RAPGEF2: variants seen among roughly 807,000 people sequenced by gnomAD.
RAPGEF2 encodes the protein PDZ domain containing guanine nucleotide exchange factor (GEF) 1.
Under a neutral mutation model 186.7 loss-of-function variants are expected in RAPGEF2, and 54 were observed. The observed-to-expected ratio is 0.29, with a 90% confidence interval of 0.23 to 0.36. The LOEUF is 0.36. RAPGEF2 is among the 10% of genes least tolerant of loss of function. RAPGEF2 has a pLI of 1.00. For missense variants in RAPGEF2, 1,532 were observed against 2,045.0 expected (o/e 0.75, Z 4.84); for synonymous variants, 712 against 705.9 (o/e 1.01, Z -0.14).
chr4:159,305,199 C>T lies in RAPGEF2; in HGVS notation c.675+726C>T, dbSNP rs142234833. 5.2e-3 allele frequency among the ~76,000 whole-genome samples: 790 copies of T among 152,206 alleles called. 11 individuals carry two copies. The highest frequency in any genetic ancestry group is 0.018 in the African/African-American group (737 of 41,554). On this transcript the variant is annotated intron_variant, in intron 8 of 29. Transcript: ENST00000691494. ...ATTTTCCTTTGGGTAGATACTCAGT[C>T]ATGAGATTGGTAGATTGAATCGTAG...
chr4:159,315,808 C>T (rs1046101108), intron 9 of RAPGEF2, among the ~76,000 whole-genome samples: 2 of 152,116 alleles, frequency 1.3e-5, no homozygotes, highest in African/African-American at 2.4e-5. Flanking sequence ...TTTACTGCTG[C>T]GATCTAGAAG....
chr4:159,326,436 C>G (rs941506796), intron 11 of RAPGEF2, among the ~76,000 whole-genome samples: 3 of 152,138 alleles, frequency 2.0e-5, no homozygotes, highest in Admixed American at 2.0e-4. Flanking sequence ...ATAGGCTTTG[C>G]CATCATTATC....
chr4:159,285,411 A>T (rs556654848), intron 7 of RAPGEF2, among the ~76,000 whole-genome samples: 1 of 152,200 alleles, frequency 6.6e-6, no homozygotes, highest in African/African-American at 2.4e-5. Flanking sequence ...AGGTTTGCTA[A>T]TCCTGTTGAT....
chr4:159,189,265 CTTT>C (rs1020926442), intron 2 of RAPGEF2, among the ~76,000 whole-genome samples: 1 of 152,072 alleles, frequency 6.6e-6, no homozygotes, highest in African/African-American at 2.4e-5. Flanking sequence ...GTGGAAGTGG[CTTT>C]TATTTATTTG....
In RAPGEF2 at chr4:159,343,344, T is replaced by C; in HGVS notation, c.3194T>C (p.Ile1065Thr). 6.2e-7 allele frequency: 1 copy of C among 1,614,060 alleles called. No individual in the cohort carries two copies. The highest frequency in any genetic ancestry group is 8.5e-7 in the Non-Finnish European group (1 of 1,179,958). ...AAGCTAAGGATGATTGCAAAAGAAA[T>C]TCGTCACGTTGGCCGAATGGCTTCA... ...FEKLRMIAKE[I>T]RHVGRMASVN... is the part of the protein sequence containing the mutation. Residue 1065 changes from isoleucine (I) to threonine (T), a missense_variant, in exon 22 of 30, where the codon ATT becomes ACT. By Grantham distance (89) the Ile-to-Thr change is moderately conservative. This residue lies in a region of RAPGEF2 where 117 missense variants were observed against 180.8 expected (regional missense o/e 0.65). Transcript: ENST00000691494.
chr4:159,266,469 T>G (rs1757437840), intron 7 of RAPGEF2, among the ~76,000 whole-genome samples: 1 of 152,212 alleles, frequency 6.6e-6, no homozygotes, highest in Admixed American at 6.5e-5. Flanking sequence ...TCAAGTATAA[T>G]GCAGTCTTTC....
intron 7 of RAPGEF2, among the ~76,000 whole-genome samples, chr4:159,266,610 T>G (rs1402809424): frequency 6.6e-6 from 1 of 152,208 alleles, no homozygotes; most frequent in Non-Finnish European, 1.5e-5. Flanking sequence ...TAATTTTTTA[T>G]ATTATTTGCA....
chr4:159,341,172 T>G (rs907376201), intron 19 of RAPGEF2, among the ~76,000 whole-genome samples: 4 of 152,232 alleles, frequency 2.6e-5, no homozygotes, highest in African/African-American at 9.6e-5. Flanking sequence ...ATAAGGAAAA[T>G]AAGAGTGATG....
chr4:159,155,396 C>G (rs537742935), intron 1 of RAPGEF2, among the ~76,000 whole-genome samples: 1 of 152,118 alleles, frequency 6.6e-6, no homozygotes, highest in Non-Finnish European at 1.5e-5. Flanking sequence ...GGCATTTCTC[C>G]TTCCCTTTGG....
At chr4:159,243,199 T>C (rs1440992041) in intron 6 of RAPGEF2, among the ~76,000 whole-genome samples, 1 of 151,674 alleles carries the variant, frequency 6.6e-6, no homozygotes, top group Non-Finnish European at 1.5e-5. Context: ...GATGAAAAAA[T>C]TGGCTTGATT....
intron 19 of RAPGEF2, 143 bp from the exon 20 acceptor site, chr4:159,341,421 G>GTCTGTCTTGGTTAAAA (rs1172900475): frequency 2.5e-6 from 2 of 804,968 alleles, no homozygotes; most frequent in African/African-American, 3.5e-5. Flanking sequence ...CAGCTGTGCT[G>GTCTGTCTTGGTTAAAA]TCTGTCTTGG....
chr4:159,131,616 A>AT (rs949896833), intron 1 of RAPGEF2, among the ~76,000 whole-genome samples: 1 of 146,616 alleles, frequency 6.8e-6, no homozygotes, highest in Admixed American at 7.1e-5. Flanking sequence ...GAAGAGAAAT[A>AT]TAAGTGCTAA....
chr4:159,104,057 G>T lies in RAPGEF2; in HGVS notation c.-106G>T, dbSNP rs1251909564. On this transcript the variant is annotated 5_prime_UTR_variant, in exon 1 of 30. Coordinates refer to ENST00000691494, the MANE Select transcript of RAPGEF2 (RefSeq NM_001394067.2). ...CGCCGCGGTTTGGCTGATTAGTCGC[G>T]GGCGGGCGGGCGGGCGCAGCGCGCA... is the stretch of plus-strand genomic sequence containing the variant. The T allele has an allele frequency of 1.2e-5, 6 of 480,778 alleles. No individual in the cohort carries two copies. The highest frequency in any genetic ancestry group is 8.9e-5 in the South Asian group (1 of 11,280). The allele number at this position is 480,778 out of a possible 1,614,324, so 29.8% of individuals were successfully genotyped here. A position where few individuals can be genotyped will look rare whatever the true frequency, so the allele number is the denominator to read the frequency against.
intron 17 of RAPGEF2, among the ~76,000 whole-genome samples, chr4:159,335,835 C>CAAAAA (rs778302629): frequency 8.3e-5 from 4 of 48,146 alleles, no homozygotes; most frequent in Non-Finnish European, 1.2e-4. Flanking sequence ...GACTCCGTCT[C>CAAAAA]AAAAAAAAAA....
intron 1 of RAPGEF2, among the ~76,000 whole-genome samples, chr4:159,162,291 A>G (rs961802678): frequency 4.6e-5 from 7 of 151,096 alleles, no homozygotes; most frequent in African/African-American, 1.7e-4. Context: ...CTGGGACTAC[A>G]AGTACAAGGC....
intron 7 of RAPGEF2, among the ~76,000 whole-genome samples, chr4:159,245,179 T>A (rs1449698775): frequency 6.6e-6 from 1 of 152,050 alleles, no homozygotes; most frequent in Non-Finnish European, 1.5e-5. Flanking sequence ...TAGTTTAAAG[T>A]GGATTATAAT....
At position 159,221,556 on chromosome 4, in the gene RAPGEF2, A is replaced by G. The variant is rs191005559; in HGVS notation, c.281+10973A>G. Among the ~76,000 whole-genome samples, 560 of 152,318 alleles carry G rather than the reference A, an allele frequency of 3.7e-3. 4 individuals are homozygous for G. The highest frequency in any genetic ancestry group is 0.013 in the African/African-American group (536 of 41,554). Reference sequence around the variant, plus strand: ...TGCAACGTGATGTGCCCTGCTAAAAATAATAATATAAAAACTATCCTTCTA... The same window carrying G: ...TGCAACGTGATGTGCCCTGCTAAAAGTAATAATATAAAAACTATCCTTCTA... On this transcript the variant is annotated intron_variant, in intron 4 of 29. Transcript: ENST00000691494.
At chr4:159,238,775 T>TTAAGGATTTAAC in intron 4 of RAPGEF2, 34 bp from the exon 5 acceptor site, 1 of 1,461,994 alleles carries the variant, frequency 6.8e-7, no homozygotes, top group South Asian at 1.3e-5. Context: ...TCTCTGAGGT[T>TTAAGGATTTAAC]CTCCTCATTG....
chr4:159,139,905 A>G (rs1268993844), intron 1 of RAPGEF2, among the ~76,000 whole-genome samples: 1 of 152,244 alleles, frequency 6.6e-6, no homozygotes, highest in Non-Finnish European at 1.5e-5. Context: ...AGGAAGAAAG[A>G]CATCCAGTAA....
Sources: allele counts gnomAD v4.1 joint callset (sites outside exome capture counted in the v4.1 genomes callset), GRCh38; gene constraint gnomAD v4.1.1; regional missense constraint gnomAD v4.1.1; transcripts MANE v1.5; gene names NCBI Gene and HGNC (gene_info 2026-07-23, HGNC 2026-07-21).